Variants in MCTP1 observed in about 807,000 individuals in gnomAD.
The protein encoded by MCTP1 is multiple C2 and transmembrane domain-containing protein 1.
In MCTP1, 69 loss-of-function variants were observed where a neutral mutation model predicts 120.6. The ratio of observed to expected loss-of-function variants is 0.57; its 90% CI spans 0.47 to 0.70. The LOEUF (loss-of-function observed/expected upper bound fraction) is 0.70, where lower values mean the gene tolerates loss of function less well. Among genes scored for constraint, MCTP1 ranks in the 30% least tolerant of loss-of-function variants. MCTP1 has a pLI of 0.00. For synonymous variants in MCTP1, 529 were observed against 493.1 expected, an observed-to-expected ratio of 1.07 and a Z score of -0.96; for missense variants, 1,203 against 1,248.8, an observed-to-expected ratio of 0.96 and a Z score of 0.55.
chr5:94,712,007 G>T (rs968770720), intron 20 of MCTP1, among the ~76,000 whole-genome samples: 2 of 152,030 alleles, frequency 1.3e-5, no homozygotes, highest in African/African-American at 4.8e-5. Context: ...GCATACCATT[G>T]CATTCTTTGA....
intron 1 of MCTP1, among the ~76,000 whole-genome samples, chr5:95,155,993 G>A (rs1745077917): frequency 6.6e-6 from 1 of 152,206 alleles, no homozygotes; most frequent in African/African-American, 2.4e-5. Context: ...TAGGACCTGA[G>A]GTGGCCTCTA....
chr5:95,136,092 A>C (rs1460251858), intron 1 of MCTP1, among the ~76,000 whole-genome samples: 1 of 152,158 alleles, frequency 6.6e-6, no homozygotes, highest in African/African-American at 2.4e-5. Flanking sequence ...ACCTTCCCAG[A>C]ACATTTAAGC....
At chr5:95,054,245 CAA>C (rs1309136152) in intron 1 of MCTP1, among the ~76,000 whole-genome samples, 4 of 152,152 alleles carry the variant, frequency 2.6e-5, no homozygotes, top group Admixed American at 1.3e-4. Flanking sequence ...GTAGTGGAGC[CAA>C]GACTAGCTTC....
At chr5:94,950,475 G>C (rs1341006530) in intron 3 of MCTP1, among the ~76,000 whole-genome samples, 4 of 152,010 alleles carry the variant, frequency 2.6e-5, no homozygotes, top group African/African-American at 9.7e-5. Context: ...TGCATACAGT[G>C]TTGCTGTCTT....
intron 16 of MCTP1, 131 bp downstream of exon 16, chr5:94,870,283 ATTT>A (rs1797590131): frequency 5.9e-5 from 35 of 592,068 alleles, no homozygotes; most frequent in Middle Eastern, 9.0e-4. Flanking sequence ...AGAAAGCGCC[ATTT>A]TCAATAAGTA....
At chr5:95,029,576 G>A (rs988054591) in intron 1 of MCTP1, among the ~76,000 whole-genome samples, 3 of 152,098 alleles carry the variant, frequency 2.0e-5, no homozygotes, top group Admixed American at 2.0e-4. Context: ...CAAGAATCCG[G>A]CATAGATTGA....
At chr5:95,146,573 A>G (rs1267322283) in intron 1 of MCTP1, among the ~76,000 whole-genome samples, 1 of 152,094 alleles carries the variant, frequency 6.6e-6, no homozygotes, top group Non-Finnish European at 1.5e-5. Flanking sequence ...AAATTTTGGT[A>G]AGTTGTATCT....
intron 1 of MCTP1, among the ~76,000 whole-genome samples, chr5:95,110,504 T>C (rs943150591): frequency 6.6e-5 from 10 of 152,284 alleles, no homozygotes; most frequent in African/African-American, 1.9e-4. Flanking sequence ...AGCTCAAAAA[T>C]ATCTAAATTG....
chr5:95,048,580 T>C (rs1745137874), intron 1 of MCTP1, among the ~76,000 whole-genome samples: 2 of 152,236 alleles, frequency 1.3e-5, no homozygotes, highest in South Asian at 2.1e-4. Flanking sequence ...TTCCCACTTA[T>C]TAAGCAACTA....
At chr5:94,947,835 G>T (rs1429184419) in intron 3 of MCTP1, among the ~76,000 whole-genome samples, 1 of 147,106 alleles carries the variant, frequency 6.8e-6, no homozygotes, top group Non-Finnish European at 1.5e-5. Flanking sequence ...TGCTTGGGCT[G>T]GTCTTGAACC....
intron 1 of MCTP1, among the ~76,000 whole-genome samples, chr5:95,218,795 G>A (rs764437868): frequency 3.3e-5 from 5 of 152,160 alleles, no homozygotes; most frequent in Admixed American, 1.3e-4. Context: ...ATAGCCTGTT[G>A]CTCTGAGGCT....
chr5:95,107,131 T>C (rs1049406621), intron 1 of MCTP1, among the ~76,000 whole-genome samples: 4 of 152,212 alleles, frequency 2.6e-5, no homozygotes, highest in African/African-American at 9.6e-5. Flanking sequence ...AGCATGAAAC[T>C]TGGGTACATA....
intron 20 of MCTP1, among the ~76,000 whole-genome samples, chr5:94,712,753 T>TC (rs1757533383): frequency 6.6e-6 from 1 of 151,864 alleles, no homozygotes; most frequent in African/African-American, 2.4e-5. Context: ...TACCTGTGCC[T>TC]CCCTTGCTTC....
chr5:95,094,614 T>C (rs1052896837), intron 1 of MCTP1, among the ~76,000 whole-genome samples: 1 of 152,200 alleles, frequency 6.6e-6, no homozygotes, highest in African/African-American at 2.4e-5. Flanking sequence ...GAAAACACCT[T>C]TGACTAAGGA....
At chr5:95,216,524 GA>G (rs1753049422) in intron 1 of MCTP1, among the ~76,000 whole-genome samples, 1 of 152,268 alleles carries the variant, frequency 6.6e-6, no homozygotes, top group African/African-American at 2.4e-5. Context: ...TCCCAAGCCT[GA>G]AAGGTACCTG....
chr5:94,743,206 T>C (rs1765944416), intron 19 of MCTP1, among the ~76,000 whole-genome samples: 1 of 149,716 alleles, frequency 6.7e-6, no homozygotes, highest in Non-Finnish European at 1.5e-5. Flanking sequence ...TTTCTATAAA[T>C]GGGACGAAGC....
intron 1 of MCTP1, among the ~76,000 whole-genome samples, chr5:95,065,461 AG>A (rs1750413620): frequency 6.6e-6 from 1 of 152,172 alleles, no homozygotes; most frequent in Non-Finnish European, 1.5e-5. Context: ...GGTTACCGTT[AG>A]AAAATCAATT....
chr5:94,927,096 T>C (rs1813333135), intron 6 of MCTP1, among the ~76,000 whole-genome samples: 1 of 152,212 alleles, frequency 6.6e-6, no homozygotes, highest in Non-Finnish European at 1.5e-5. Context: ...TTTGGGGAAA[T>C]ATTGTCAAAA....
chr5:94,898,887 A>G (rs1407266544), intron 10 of MCTP1, among the ~76,000 whole-genome samples: 1 of 152,214 alleles, frequency 6.6e-6, no homozygotes, highest in Admixed American at 6.5e-5. Flanking sequence ...CTGCAGATGA[A>G]CTTTAAATTC....
Sources: gnomAD v4.1 joint callset for allele counts (sites outside exome capture counted in the v4.1 genomes callset) on GRCh38, gnomAD v4.1.1 for gene constraint, MANE v1.5 for transcripts, NCBI Gene and HGNC (gene_info 2026-07-23, HGNC 2026-07-21) for gene names.